The following ABHD6 variants were observed in gnomAD, a reference collection of about 807,000 sequenced individuals.
The protein encoded by ABHD6 is monoacylglycerol lipase ABHD6.
ABHD6 carries 33 observed loss-of-function variants against 38.8 expected under a neutral mutation model. That is an observed-to-expected ratio of 0.85 (90% confidence interval 0.64 to 1.14). The LOEUF (loss-of-function observed/expected upper bound fraction) is 1.14, where lower values mean the gene tolerates loss of function less well. Among genes scored for constraint, ABHD6 ranks in the 50% most tolerant of loss-of-function variants. The probability of loss-of-function intolerance (pLI) is 0.00; values close to 1 mark genes in which losing one functional copy is unlikely to be tolerated. For missense variants in ABHD6, 380 were observed against 422.6 expected, an observed-to-expected ratio of 0.90 and a Z score of 0.88; for synonymous variants, 147 against 161.6, an observed-to-expected ratio of 0.91 and a Z score of 0.69.
At chr3:58,243,334 G>A (rs868494497) in intron 1 of ABHD6, among the ~76,000 whole-genome samples, 2 of 152,074 alleles carry the variant, frequency 1.3e-5, no homozygotes, top group Admixed American at 6.6e-5. Flanking sequence ...TTACAGTCCC[G>A]CCCAGCCAGT....
intron 7 of ABHD6, among the ~76,000 whole-genome samples, chr3:58,275,643 T>C (rs2097448200): frequency 6.6e-6 from 1 of 152,124 alleles, no homozygotes; most frequent in Admixed American, 6.6e-5. Context: ...CCTTATCCTC[T>C]TTTTTATTTT....
At position 58,275,037 on chromosome 3, in the gene ABHD6, G is replaced by T. The variant is rs116765439; in HGVS notation, c.681+222G>T. 4.5e-3 allele frequency among the ~76,000 whole-genome samples: 688 copies of T among 152,326 alleles called. 4 individuals carry two copies. Among genetic ancestry groups the T allele is most frequent in the African/African-American group, 0.016 (655 of 41,572 alleles). The stretch of plus-strand genomic sequence containing the variant: ...GGTCCCTGGGCAGACACAGTCCAGT[G>T]GGGGAGGCAGACAATAACAAGTAAA... On this transcript the variant is annotated intron_variant, in intron 7 of 9. Transcript: ENST00000478253.
At position 58,293,175 on chromosome 3, in the gene ABHD6, A is replaced by G. The variant is rs933248184; in HGVS notation, c.838-414A>G. On this transcript the variant is annotated intron_variant, in intron 9 of 9. Transcript: ENST00000478253. The surrounding 1 kb of genome is among the most constrained non-coding windows in gnomAD (Gnocchi z 4.4). Reference sequence around the variant, plus strand: ...CTCCTTGGTGGCCCCTGCACTCGCCATGATCTCCCACCCTGTGCCATTCCC... The same window carrying G: ...CTCCTTGGTGGCCCCTGCACTCGCCGTGATCTCCCACCCTGTGCCATTCCC... 3.3e-5 allele frequency among the ~76,000 whole-genome samples: 5 copies of G among 151,846 alleles called. No homozygotes were observed. The highest frequency in any genetic ancestry group is 7.4e-5 in the Non-Finnish European group (5 of 67,928).
chr3:58,285,168 T>C lies in ABHD6; in HGVS notation c.736+29T>C. 1 of 1,608,204 alleles carries C rather than the reference T, an allele frequency of 6.2e-7. No homozygotes were observed. The highest frequency in any genetic ancestry group is 8.5e-7 in the Non-Finnish European group (1 of 1,174,582). ...AGTAGCCCTACTTTCAGCTTGGAGC[T>C]TGTTACAAGTGAAGCTCTGTGGATG... On this transcript the variant is annotated intron_variant, in intron 8 of 9. Coordinates refer to ENST00000478253, the MANE Select transcript of ABHD6 (RefSeq NM_001320126.2). This position sits in a 1 kb window ranked among gnomAD's most constrained non-coding sequence, Gnocchi z 4.9.
intron 9 of ABHD6, among the ~76,000 whole-genome samples, chr3:58,286,866 A>ATGTACT (rs1559784506): frequency 7.8e-6 from 1 of 128,084 alleles, no homozygotes; most frequent in Non-Finnish European, 1.6e-5. Flanking sequence ...ATATATATAT[A>ATGTACT]TATGTATATG....
chr3:58,241,309 C>T (rs1465476522), intron 1 of ABHD6, among the ~76,000 whole-genome samples: 1 of 152,218 alleles, frequency 6.6e-6, no homozygotes, highest in Admixed American at 6.5e-5. Context: ...CAGAAACCCT[C>T]TGGATCCTAT....
chr3:58,270,860 T>C, intron 5 of ABHD6, 72 bp from the exon 6 acceptor site: 1 of 1,484,876 alleles, frequency 6.7e-7, no homozygotes, highest in Non-Finnish European at 9.0e-7. Flanking sequence ...TCCAGGGGGC[T>C]TCTATGCTGT....
rs542097863 is a variant in ABHD6 at position 58,269,844 on chromosome 3, A to G, written c.390+410A>G. Among the ~76,000 whole-genome samples, 7 of 152,074 alleles carry G rather than the reference A, an allele frequency of 4.6e-5. No homozygotes were observed. Among genetic ancestry groups the G allele is most frequent in the Non-Finnish European group, 7.4e-5 (5 of 68,010 alleles). On this transcript the variant is annotated intron_variant, in intron 5 of 9. Transcript: ENST00000478253. This position sits in a 1 kb window ranked among gnomAD's most constrained non-coding sequence, Gnocchi z 4.4. ...ACTTTAGCATCTATTGCTAGCACCT[A>G]TTTTAGAATCTATCTCTAGCCTTCT...
intron 3 of ABHD6, among the ~76,000 whole-genome samples, chr3:58,260,785 T>C (rs1260868478): frequency 6.6e-6 from 1 of 152,204 alleles, no homozygotes; most frequent in East Asian, 1.9e-4. Context: ...TGCCCTGCCA[T>C]ATGAGCATAA....
At chr3:58,289,530 T>A (rs1201859147) in intron 9 of ABHD6, among the ~76,000 whole-genome samples, 2 of 151,558 alleles carry the variant, frequency 1.3e-5, no homozygotes, top group Non-Finnish European at 2.9e-5. Context: ...AGCACATGTT[T>A]CAGAGAGCAC....
At chr3:58,272,172 G>T (rs1472583043) in intron 6 of ABHD6, among the ~76,000 whole-genome samples, 4 of 152,118 alleles carry the variant, frequency 2.6e-5, no homozygotes, top group Admixed American at 2.6e-4. Context: ...AAATTTAAAT[G>T]TGCATCTCAA....
In ABHD6 at chr3:58,244,716, A is replaced by G. The variant is rs192717131; in HGVS notation, c.-90-5162A>G. Reference sequence around the variant, plus strand: ...GAGGTCGAGGCTGCAGTGCGCCACTACAGTCTAGCCTGGGCAACAGAGCAA... The same window carrying G: ...GAGGTCGAGGCTGCAGTGCGCCACTGCAGTCTAGCCTGGGCAACAGAGCAA... On this transcript the variant is annotated intron_variant, in intron 1 of 9. Coordinates refer to ENST00000478253, the MANE Select transcript of ABHD6 (RefSeq NM_001320126.2). Among the ~76,000 whole-genome samples, 555 of 152,168 alleles carry G rather than the reference A, an allele frequency of 3.6e-3. 5 individuals are homozygous for G. Among genetic ancestry groups the G allele is most frequent in the Non-Finnish European group, 5.6e-3 (384 of 67,994 alleles).
At chr3:58,270,193 A>G (rs1418328963) in intron 5 of ABHD6, among the ~76,000 whole-genome samples, 2 of 152,104 alleles carry the variant, frequency 1.3e-5, no homozygotes, top group African/African-American at 4.8e-5. Context: ...TGAATAGACA[A>G]ATGGATGGGT....
chr3:58,290,583 G>A (rs71431662), intron 9 of ABHD6, among the ~76,000 whole-genome samples: 1 of 145,720 alleles, frequency 6.9e-6, no homozygotes, highest in Non-Finnish European at 1.5e-5. Context: ...CTTCCCAGAC[G>A]GGGTGGCTGC....
At chr3:58,278,485 CT>C (rs2097450490) in intron 7 of ABHD6, among the ~76,000 whole-genome samples, 1 of 152,060 alleles carries the variant, frequency 6.6e-6, no homozygotes, top group South Asian at 2.1e-4. Context: ...TTTGATTCTT[CT>C]CTCTTTTCTT....
rs553895077 is a variant in ABHD6 at position 58,291,260 on chromosome 3, C to G, written c.838-2329C>G. ...AGGCGTGGCAGTGTGCACCTGCAAT[C>G]GCAGGCACTCGGCAGGCTGAGGCAG... On this transcript the variant is annotated intron_variant, in intron 9 of 9. Transcript: ENST00000478253. Among the ~76,000 whole-genome samples the G allele has an allele frequency of 3.3e-5, 5 of 151,320 alleles. No individual in the cohort carries two copies. The South Asian group carries it at 1.1e-3, about 32-fold the overall frequency.
At position 58,293,839 on chromosome 3, in the gene ABHD6, C is replaced by A; in HGVS notation, c.*74C>A. ...CCAAGTCTGACGCAGCCACCACTCTCAGGGATCCTGCCCCAAATGCGGTCG... is the reference window on the plus strand; with the variant it reads ...CCAAGTCTGACGCAGCCACCACTCTAAGGGATCCTGCCCCAAATGCGGTCG... On this transcript the variant is annotated 3_prime_UTR_variant, in exon 10 of 10. Coordinates refer to ENST00000478253, the MANE Select transcript of ABHD6 (RefSeq NM_001320126.2). The surrounding 1 kb of genome is among the most constrained non-coding windows in gnomAD (Gnocchi z 4.4). 1 of 1,538,174 alleles carries A rather than the reference C, an allele frequency of 6.5e-7. No individual in the cohort carries two copies. The highest frequency in any genetic ancestry group is 8.8e-7 in the Non-Finnish European group (1 of 1,134,294).
chr3:58,247,590 T>A (rs923796638), intron 1 of ABHD6, among the ~76,000 whole-genome samples: 3 of 152,222 alleles, frequency 2.0e-5, no homozygotes, highest in African/African-American at 7.2e-5. Context: ...TTTGTTTGTT[T>A]GTTTTTGAGA....
At chr3:58,258,766 C>T (rs2097435049) in intron 3 of ABHD6, 1 of 153,308 alleles carries the variant, frequency 6.5e-6, no homozygotes, top group South Asian at 2.0e-4. Flanking sequence ...GAATTTTCCG[C>T]CTGCCAGCCA....
Sources: gnomAD v4.1 joint callset for allele counts (sites outside exome capture counted in the v4.1 genomes callset) on GRCh38, gnomAD v4.1.1 for gene constraint, Gnocchi (gnomAD v3.1) non-coding constraint, MANE v1.5 for transcripts, NCBI Gene and HGNC (gene_info 2026-07-23, HGNC 2026-07-21) for gene names.